The following XKR6 variants were observed in gnomAD, a reference collection of about 807,000 sequenced individuals.
XKR6 encodes the protein XK related 6, also known as XK-related protein 6.
A neutral mutation model predicts 56.7 loss-of-function variants in XKR6; 22 were observed. That is an observed-to-expected ratio of 0.39 (90% CI 0.28 to 0.55). XKR6 has a LOEUF of 0.55. XKR6 is among the 20% of genes least tolerant of loss of function. The pLI is 0.66. For missense variants in XKR6, 852 were observed against 889.0 expected (o/e 0.96, Z 0.53); for synonymous variants, 524 against 387.8 (o/e 1.35, Z -4.13).
intron 1 of XKR6, among the ~76,000 whole-genome samples, chr8:11,077,435 C>A (rs1800303070): frequency 6.6e-6 from 1 of 152,124 alleles, no homozygotes; most frequent in Admixed American, 6.5e-5. Context: ...GAGTCTCAAG[C>A]ACTTTGAGTA....
intron 1 of XKR6, among the ~76,000 whole-genome samples, chr8:10,965,655 T>G (rs1356926895): frequency 2.0e-5 from 3 of 152,220 alleles, no homozygotes; most frequent in African/African-American, 7.2e-5. Context: ...AATGAAGGCT[T>G]GGTGCCCGGA....
chr8:11,118,260 TA>T (rs1799274258), intron 1 of XKR6, among the ~76,000 whole-genome samples: 1 of 152,028 alleles, frequency 6.6e-6, no homozygotes, highest in African/African-American at 2.4e-5. Context: ...AAAAAAATGT[TA>T]CCTTTCTTTT....
intron 1 of XKR6, among the ~76,000 whole-genome samples, chr8:11,041,119 A>G (rs111778115): frequency 9.5e-4 from 145 of 152,300 alleles, no homozygotes; most frequent in African/African-American, 3.3e-3. Flanking sequence ...GAGAGATGCC[A>G]CTGAGACGTT....
intron 1 of XKR6, among the ~76,000 whole-genome samples, chr8:11,150,166 G>A (rs1801202487): frequency 6.6e-6 from 1 of 152,160 alleles, no homozygotes; most frequent in African/African-American, 2.4e-5. Flanking sequence ...ATGTCTGATA[G>A]CAGAGTGGAG....
intron 1 of XKR6, chr8:11,109,629 C>G (rs1764551989): frequency 6.6e-6 from 1 of 152,188 alleles, no homozygotes; most frequent in Non-Finnish European, 1.5e-5. Context: ...ATCCCCCAAC[C>G]CTACCACCAT....
chr8:10,946,055 G>A (rs548300033), intron 1 of XKR6, among the ~76,000 whole-genome samples: 24 of 151,992 alleles, frequency 1.6e-4, no homozygotes, highest in African/African-American at 5.3e-4. Context: ...AGTTGTGACC[G>A]CTGCCATGCC....
intron 2 of XKR6, among the ~76,000 whole-genome samples, chr8:10,917,886 C>T (rs141360235): frequency 6.6e-6 from 1 of 152,222 alleles, no homozygotes; most frequent in Non-Finnish European, 1.5e-5. Flanking sequence ...TACACGTTTT[C>T]TCAAATGCTT....
In XKR6 at chr8:10,941,985, C is replaced by T. The variant is rs1421463568; in HGVS notation, c.765-17155G>A. ...GCTCTTTCCAAAAAGACTCAGAAAG[C>T]CGACCTTAAAGGCAGAGCACAGCTT... On this transcript the variant is annotated intron_variant, in intron 1 of 2. Coordinates refer to ENST00000416569, the MANE Select transcript of XKR6 (RefSeq NM_173683.4). 2.6e-5 allele frequency among the ~76,000 whole-genome samples: 4 copies of T among 152,196 alleles called. No homozygotes were observed. The East Asian group carries it at 7.7e-4, about 29-fold the overall frequency.
chr8:10,977,514 A>G (rs1274828211), intron 1 of XKR6, among the ~76,000 whole-genome samples: 1 of 151,368 alleles, frequency 6.6e-6, no homozygotes, highest in Non-Finnish European at 1.5e-5. Flanking sequence ...CCTGGATGCA[A>G]CCCAAAATAT....
intron 1 of XKR6, among the ~76,000 whole-genome samples, chr8:11,115,096 G>T (rs34443137): frequency 0.023 from 3,543 of 152,178 alleles, 155 homozygotes; most frequent in African/African-American, 0.079. Context: ...CAAGAGGTAG[G>T]AGGGCAGTAT....
intron 1 of XKR6, among the ~76,000 whole-genome samples, chr8:11,086,212 C>T (rs1431475520): frequency 2.6e-5 from 4 of 151,160 alleles, no homozygotes; most frequent in African/African-American, 9.8e-5. Flanking sequence ...AATGCATCAA[C>T]TCACTGGCTT....
At chr8:11,171,728 T>C (rs1802380667) in intron 1 of XKR6, among the ~76,000 whole-genome samples, 1 of 152,122 alleles carries the variant, frequency 6.6e-6, no homozygotes. Context: ...TGCAAAATCA[T>C]GAACCAAATG....
At chr8:10,976,408 C>G (rs979791628) in intron 1 of XKR6, among the ~76,000 whole-genome samples, 1 of 152,098 alleles carries the variant, frequency 6.6e-6, no homozygotes, top group African/African-American at 2.4e-5. Flanking sequence ...CCCAGAGACC[C>G]GGAGGCATGC....
chr8:11,187,521 G>C (rs1407831630), intron 1 of XKR6, among the ~76,000 whole-genome samples: 2 of 152,198 alleles, frequency 1.3e-5, no homozygotes, highest in Non-Finnish European at 2.9e-5. Flanking sequence ...TGGAGAAGGA[G>C]TGTTGGTTCA....
At chr8:11,063,743 C>T (rs1197718539) in intron 1 of XKR6, among the ~76,000 whole-genome samples, 1 of 152,108 alleles carries the variant, frequency 6.6e-6, no homozygotes, top group Non-Finnish European at 1.5e-5. Context: ...ATTCCTGATA[C>T]GCTTGGCTCA....
chr8:10,924,500 C>G, intron 2 of XKR6, 134 bp downstream of exon 2: 1 of 1,060,870 alleles, frequency 9.4e-7, no homozygotes, highest in Non-Finnish European at 1.3e-6. Flanking sequence ...CACTGGGGGC[C>G]GGGCGTCCTG....
intron 1 of XKR6, among the ~76,000 whole-genome samples, chr8:11,086,479 T>C (rs1381847261): frequency 6.6e-6 from 1 of 152,178 alleles, no homozygotes; most frequent in African/African-American, 2.4e-5. Flanking sequence ...TGTCATTTTA[T>C]CATCACAGCC....
intron 1 of XKR6, among the ~76,000 whole-genome samples, chr8:10,979,907 G>A (rs1192159194): frequency 6.6e-6 from 1 of 152,202 alleles, no homozygotes; most frequent in East Asian, 1.9e-4. Flanking sequence ...GACTTATAAG[G>A]ACATCTATTG....
intron 1 of XKR6, among the ~76,000 whole-genome samples, chr8:11,147,498 A>C (rs1054390926): frequency 3.3e-5 from 5 of 151,948 alleles, no homozygotes; most frequent in Non-Finnish European, 5.9e-5. Flanking sequence ...TCTACTAAAA[A>C]TACAAAAATT....
Sources: allele counts gnomAD v4.1 joint callset (sites outside exome capture counted in the v4.1 genomes callset), GRCh38; gene constraint gnomAD v4.1.1; transcripts MANE v1.5; gene names NCBI Gene and HGNC (gene_info 2026-07-23, HGNC 2026-07-21).